The following CACNG7 variants were observed in gnomAD, a reference collection of about 807,000 sequenced individuals.
CACNG7 encodes the protein voltage-dependent calcium channel gamma-7 subunit.
In CACNG7, 9 loss-of-function variants were observed where a neutral mutation model predicts 26.3. That is an observed-to-expected ratio of 0.34 (90% CI 0.21 to 0.60). CACNG7 has a LOEUF of 0.60. Ranked by LOEUF, CACNG7 falls within the 20% of genes least tolerant of loss-of-function variation. The probability of loss-of-function intolerance (pLI) is 0.81; values close to 1 mark genes in which losing one functional copy is unlikely to be tolerated. For missense variants in CACNG7, 297 were observed against 380.4 expected, an observed-to-expected ratio of 0.78 and a Z score of 1.82; for synonymous variants, 170 against 157.0, an observed-to-expected ratio of 1.08 and a Z score of -0.62.
chr19:53,909,594 A>C lies in CACNG7; in HGVS notation c.-30+77A>C, dbSNP rs1207712638. On this transcript the variant is annotated intron_variant, in intron 1 of 5. Transcript: ENST00000391767. This position sits in a 1 kb window ranked among gnomAD's most constrained non-coding sequence, Gnocchi z 5.1. ...GCTGCGAGCCGGGTTTGGGGCAACAAGGGACCCGAGTGGCTCCAGGGGTGG... is the reference window on the plus strand; with the variant it reads ...GCTGCGAGCCGGGTTTGGGGCAACACGGGACCCGAGTGGCTCCAGGGGTGG... 6.6e-6 allele frequency: 1 copy of C among 152,580 alleles called. No individual in the cohort carries two copies. The highest frequency in any genetic ancestry group is 6.5e-5 in the Admixed American group (1 of 15,282). 9.5% of individuals were successfully genotyped at this position (152,580 alleles called of 1,614,324 possible).
rs2069144075 is a variant in CACNG7, at chr19:53,942,372, C to T, written c.*79C>T. The T allele has an allele frequency of 7.2e-6, 11 of 1,538,358 alleles. No individual in the cohort carries two copies. In the Admixed American group the frequency reaches 9.0e-5, roughly 13 times the overall value. On this transcript the variant is annotated 3_prime_UTR_variant, in exon 6 of 6. Coordinates refer to ENST00000391767, the MANE Select transcript of CACNG7 (RefSeq NM_031896.5). The surrounding 1 kb of genome is among the most constrained non-coding windows in gnomAD (Gnocchi z 5.9). ...TCTCCCTGCAATGCAGCGCCCCCTT[C>T]CGTCCTCGGGACTCCTCGCTCCCAC...
At chr19:53,924,366 C>G (rs1323182838) in intron 4 of CACNG7, among the ~76,000 whole-genome samples, 24 of 145,936 alleles carry the variant, frequency 1.6e-4, no homozygotes, top group African/African-American at 5.2e-4. Context: ...GGAGTTGTCC[C>G]CAGGTCTGGT....
chr19:53,923,822 A>G (rs2068991978), intron 4 of CACNG7, among the ~76,000 whole-genome samples: 1 of 103,292 alleles, frequency 9.7e-6, no homozygotes, highest in South Asian at 3.4e-4. Context: ...GAGTTGCCCC[A>G]GGTCTGGTCA....
chr19:53,925,772 G>T (rs937693902), intron 4 of CACNG7, among the ~76,000 whole-genome samples: 2 of 152,260 alleles, frequency 1.3e-5, no homozygotes, highest in Non-Finnish European at 2.9e-5. Flanking sequence ...AACTGAGGAT[G>T]CTTGTGTAGT....
chr19:53,930,590 G>C (rs1211207502), intron 4 of CACNG7, among the ~76,000 whole-genome samples: 3 of 152,122 alleles, frequency 2.0e-5, no homozygotes, highest in African/African-American at 7.2e-5. Context: ...AGCCAGGATG[G>C]TCTTGAACTC....
At position 53,941,462 on chromosome 19, in the gene CACNG7, T is replaced by G; in HGVS notation, c.425-8T>G. 1.6e-5 allele frequency: 24 copies of G among 1,526,780 alleles called. No individual in the cohort carries two copies. The highest frequency in any genetic ancestry group is 2.1e-5 in the Non-Finnish European group (24 of 1,143,278). The allele number at this position is 1,526,780 out of a possible 1,614,324, so 94.6% of individuals were successfully genotyped here. On this transcript the variant is annotated splice_region_variant and splice_polypyrimidine_tract_variant and intron_variant, in intron 4 of 5. Coordinates refer to ENST00000391767, the MANE Select transcript of CACNG7 (RefSeq NM_031896.5). ...TAATGGACGAGGGCACCCCCTCTGC[T>G]CCCCTAGGCCTCTCCTTGGTGGTGG... is the stretch of plus-strand genomic sequence containing the variant.
In CACNG7 at chr19:53,941,590, C is replaced by T; in HGVS notation, c.545C>T (p.Ala182Val). ...CGCTACGGGTGGTCTTTTGCCTTCG[C>T]CGCTTCCTCCTTCCTACTCAAAGAG... ...HYRYGWSFAFAASSFLLKEGA... is the reference protein window; with the variant it reads ...HYRYGWSFAFVASSFLLKEGA... Residue 182 changes from alanine to valine, a missense_variant, in exon 5 of 6, where the codon GCC (alanine) becomes GTC (valine). By Grantham distance (64) the Ala-to-Val change is moderately conservative. Transcript: ENST00000391767. 1.2e-6 allele frequency: 2 copies of T among 1,612,088 alleles called. No homozygotes were observed. The highest frequency in any genetic ancestry group is 1.7e-6 in the Non-Finnish European group (2 of 1,179,232).
intron 4 of CACNG7, among the ~76,000 whole-genome samples, chr19:53,922,963 GT>G (rs1381809760): frequency 1.1e-3 from 103 of 94,182 alleles, no homozygotes; most frequent in African/African-American, 6.5e-3. Flanking sequence ...GTTGCCCCAG[GT>G]CTGGTCATTG....
At chr19:53,923,523 C>G (rs2068985890) in intron 4 of CACNG7, among the ~76,000 whole-genome samples, 2 of 129,074 alleles carry the variant, frequency 1.5e-5, no homozygotes, top group African/African-American at 6.0e-5. Context: ...GTGGAGTTGC[C>G]CCAGGTCTGG....
At position 53,921,407 on chromosome 19, in the gene CACNG7, A is replaced by G. The variant is rs1316027432; in HGVS notation, c.424+5902A>G. 1.5e-4 allele frequency among the ~76,000 whole-genome samples: 18 copies of G among 122,414 alleles called. No homozygotes were observed. In the East Asian group the frequency reaches 2.4e-3, roughly 16 times the overall value. 80.3% of individuals were successfully genotyped at this position (122,414 alleles called of 152,430 possible). ...TGGTGGAGTTGCCCCAGGTCTGGTC[A>G]TTGGTGGAGTTGCCCCAGGCTGGTC... On this transcript the variant is annotated intron_variant, in intron 4 of 5. Transcript: ENST00000391767.
intron 4 of CACNG7, among the ~76,000 whole-genome samples, chr19:53,923,348 T>C (rs2068982285): frequency 7.5e-6 from 1 of 134,200 alleles, no homozygotes; most frequent in African/African-American, 2.9e-5. Flanking sequence ...GGCCTGGTCA[T>C]TGGTGGAGTT....
At chr19:53,936,696 C>T (rs1317660094) in intron 4 of CACNG7, among the ~76,000 whole-genome samples, 1 of 151,904 alleles carries the variant, frequency 6.6e-6, no homozygotes, top group East Asian at 1.9e-4. Context: ...GCAACCTCTG[C>T]CTCCTGGGTT....
At position 53,912,967 on chromosome 19, in the gene CACNG7, C is replaced by T; in HGVS notation, c.136C>T (p.Gln46Ter). 6.2e-7 allele frequency: 1 copy of T among 1,613,930 alleles called. No homozygotes were observed. The highest frequency in any genetic ancestry group is 1.3e-5 in the African/African-American group (1 of 74,994). ...MEEGTVLPQN[Q>*]TTEVKMALHA... is the part of the protein sequence containing the mutation. The stretch of plus-strand genomic sequence containing the variant: ...AGAAGGCACAGTGCTACCGCAGAAC[C>T]AGACCACCGAGGTCAAGATGGCCCT... The change falls in exon 2 of 6, where the codon CAG becomes TAG. Residue 46 changes from glutamine to a stop codon, truncating the protein, a stop_gained. Coordinates refer to ENST00000391767, the MANE Select transcript of CACNG7 (RefSeq NM_031896.5). LOFTEE classifies it high-confidence loss of function. This position sits in a 1 kb window ranked among gnomAD's most constrained non-coding sequence, Gnocchi z 4.6.
At chr19:53,927,003 C>T (rs113216711) in intron 4 of CACNG7, among the ~76,000 whole-genome samples, 15,207 of 152,048 alleles carry the variant, frequency 0.1, 1,077 homozygotes, top group Non-Finnish European at 0.12. Flanking sequence ...CTTTGTCACC[C>T]AGGCTGGAGT....
rs753775713 is a variant in CACNG7, at chr19:53,942,311, T to A, written c.*18T>A. Reference sequence around the variant, plus strand: ...CCTGCTGAGGCCCGCCCCTCGGAGCTCCCCCTGCCTCCTCCTCCTCCTCGT... The same window carrying A: ...CCTGCTGAGGCCCGCCCCTCGGAGCACCCCCTGCCTCCTCCTCCTCCTCGT... On this transcript the variant is annotated 3_prime_UTR_variant, in exon 6 of 6. Coordinates refer to ENST00000391767, the MANE Select transcript of CACNG7 (RefSeq NM_031896.5). The surrounding 1 kb of genome is among the most constrained non-coding windows in gnomAD (Gnocchi z 5.9). 1 of 1,586,282 alleles carries A rather than the reference T, an allele frequency of 6.3e-7. No homozygotes were observed. Among genetic ancestry groups the A allele is most frequent in the Admixed American group, 1.7e-5 (1 of 58,096 alleles).
chr19:53,941,808 G>A (rs2069139118), intron 5 of CACNG7, 193 bp downstream of exon 5: 1 of 879,822 alleles, frequency 1.1e-6, no homozygotes, highest in East Asian at 2.8e-5. Context: ...GATCCTGGGG[G>A]AGGAGGGGTC....
At chr19:53,925,188 AG>A (rs1342707171) in intron 4 of CACNG7, among the ~76,000 whole-genome samples, 5 of 128,960 alleles carry the variant, frequency 3.9e-5, no homozygotes, top group African/African-American at 1.7e-4. Context: ...AAGTTGCCCC[AG>A]GTCTGGTCAT....
intron 4 of CACNG7, among the ~76,000 whole-genome samples, chr19:53,924,517 G>A (rs1203554372): frequency 6.7e-6 from 1 of 150,372 alleles, no homozygotes; most frequent in African/African-American, 2.5e-5. Context: ...CCTGGTTATT[G>A]GTGGAGTTGC....
chr19:53,916,705 CG>C (rs1423602398), intron 4 of CACNG7, among the ~76,000 whole-genome samples: 2 of 145,632 alleles, frequency 1.4e-5, no homozygotes, highest in Admixed American at 7.0e-5. Context: ...TCTTCATGTT[CG>C]TCAGGCTGGT....
Sources: gnomAD v4.1 joint callset for allele counts (sites outside exome capture counted in the v4.1 genomes callset) on GRCh38, gnomAD v4.1.1 for gene constraint, Gnocchi (gnomAD v3.1) non-coding constraint, MANE v1.5 for transcripts, NCBI Gene and HGNC (gene_info 2026-07-23, HGNC 2026-07-21) for gene names.